Variants in ERBB4 observed in about 807,000 individuals in gnomAD.
ERBB4 encodes receptor tyrosine-protein kinase erbB-4.
Under a neutral mutation model 158.0 loss-of-function variants are expected in ERBB4, and 42 were observed. The observed-to-expected ratio is 0.27, with a 90% CI of 0.21 to 0.34. ERBB4 has a LOEUF of 0.34. Among genes scored for constraint, ERBB4 ranks in the 10% least tolerant of loss-of-function variants. ERBB4 has a pLI of 1.00. For missense variants in ERBB4, 1,333 were observed against 1,624.1 expected (o/e 0.82, Z 3.08); for synonymous variants, 583 against 558.7 (o/e 1.04, Z -0.61).
At chr2:211,513,198 C>T (rs1284253596) in intron 20 of ERBB4, among the ~76,000 whole-genome samples, 1 of 151,612 alleles carries the variant, frequency 6.6e-6, no homozygotes, top group South Asian at 2.1e-4. Context: ...TAAGGCGTGA[C>T]GACAAGTTTT....
rs768523789 is a variant in ERBB4, at chr2:211,424,233, G to A, written c.2788C>T (p.Pro930Ser). ...CGTTCTCCTTTCTCTAATAAATCAG[G>A]GATTTCTCGCGTTGGAATTCCATCA... is the stretch of plus-strand genomic sequence containing the variant. ...PYDGIPTREI[P>S]DLLEKGERLP... Residue 930 changes from proline (P) to serine (S), a missense_variant, in exon 23 of 28, where the codon CCT (proline) becomes TCT (serine). Transcript: ENST00000342788. 6.2e-7 allele frequency: 1 copy of A among 1,612,942 alleles called. No individual in the cohort carries two copies. Among genetic ancestry groups the A allele is most frequent in the African/African-American group, 1.3e-5 (1 of 74,790 alleles).
intron 6 of ERBB4, among the ~76,000 whole-genome samples, chr2:211,724,605 AAACT>A (rs2074208041): frequency 6.6e-6 from 1 of 152,276 alleles, no homozygotes; most frequent in African/African-American, 2.4e-5. Flanking sequence ...TGTCCCTAAC[AAACT>A]ATTTATAAAT....
intron 1 of ERBB4, among the ~76,000 whole-genome samples, chr2:212,359,338 C>T (rs1279847519): frequency 6.6e-6 from 1 of 151,308 alleles, no homozygotes; most frequent in African/African-American, 2.4e-5. Flanking sequence ...ATTTGATGAT[C>T]TGTATTGAGA....
intron 1 of ERBB4, among the ~76,000 whole-genome samples, chr2:212,151,570 T>A (rs2080870449): frequency 6.6e-6 from 1 of 151,816 alleles, no homozygotes; most frequent in Admixed American, 6.6e-5. Flanking sequence ...TCAGAAAATT[T>A]TGGAAATACA....
At chr2:211,402,658 C>A (rs932804781) in intron 25 of ERBB4, among the ~76,000 whole-genome samples, 8 of 151,926 alleles carry the variant, frequency 5.3e-5, no homozygotes, top group African/African-American at 1.7e-4. Flanking sequence ...AGAGCAAAAA[C>A]AAGCAGCAAG....
chr2:211,929,748 GAC>G (rs1165162148), intron 3 of ERBB4, among the ~76,000 whole-genome samples: 1 of 152,158 alleles, frequency 6.6e-6, no homozygotes, highest in Non-Finnish European at 1.5e-5. Flanking sequence ...ATGTGTCAGT[GAC>G]ACACAATGTG....
chr2:212,094,890 TTA>T (rs1336255060), intron 2 of ERBB4, among the ~76,000 whole-genome samples: 2 of 151,310 alleles, frequency 1.3e-5, no homozygotes, highest in Admixed American at 6.6e-5. Context: ...TTTATTACAT[TTA>T]TATGTTTATG....
intron 20 of ERBB4, among the ~76,000 whole-genome samples, chr2:211,469,385 T>C (rs2064776969): frequency 6.6e-6 from 1 of 152,120 alleles, no homozygotes; most frequent in African/African-American, 2.4e-5. Context: ...AGCAGGAAAG[T>C]TTTCATAGTC....
intron 1 of ERBB4, among the ~76,000 whole-genome samples, chr2:212,310,007 T>C (rs891622003): frequency 2.0e-5 from 3 of 150,548 alleles, no homozygotes; most frequent in Admixed American, 2.0e-4. Context: ...ACTCCCCAAA[T>C]GTTAAGGTAT....
At chr2:211,855,780 G>A (rs1242300553) in intron 3 of ERBB4, among the ~76,000 whole-genome samples, 1 of 151,950 alleles carries the variant, frequency 6.6e-6, no homozygotes, top group Admixed American at 6.6e-5. Context: ...GTTTGTCCTT[G>A]GGCCTTTGCA....
intron 1 of ERBB4, among the ~76,000 whole-genome samples, chr2:212,128,378 A>T (rs2080007092): frequency 6.6e-6 from 1 of 152,170 alleles, no homozygotes; most frequent in Admixed American, 6.5e-5. Context: ...TTGGTTTCAA[A>T]CACGGTTGAA....
intron 14 of ERBB4, among the ~76,000 whole-genome samples, chr2:211,669,328 GTTAT>G (rs1459557402): frequency 1.3e-5 from 2 of 151,672 alleles, no homozygotes; most frequent in Non-Finnish European, 2.9e-5. Context: ...CAATATGGAG[GTTAT>G]TTGTTACAGC....
intron 1 of ERBB4, among the ~76,000 whole-genome samples, chr2:212,299,080 T>G (rs1222412182): frequency 6.6e-6 from 1 of 151,734 alleles, no homozygotes; most frequent in Non-Finnish European, 1.5e-5. Flanking sequence ...TTAACCCTCA[T>G]TATAATTTGT....
intron 3 of ERBB4, among the ~76,000 whole-genome samples, chr2:211,923,695 G>C (rs1360454699): frequency 6.6e-6 from 1 of 151,772 alleles, no homozygotes; most frequent in African/African-American, 2.4e-5. Flanking sequence ...GCTTTTTAGA[G>C]GTTGCTCATA....
At chr2:212,025,418 T>C (rs1256639089) in intron 2 of ERBB4, among the ~76,000 whole-genome samples, 1 of 151,780 alleles carries the variant, frequency 6.6e-6, no homozygotes, top group Non-Finnish European at 1.5e-5. Context: ...ATATTTATGA[T>C]GGAATTACAA....
At chr2:211,723,267 C>A (rs1382477130) in intron 6 of ERBB4, among the ~76,000 whole-genome samples, 1 of 151,952 alleles carries the variant, frequency 6.6e-6, no homozygotes, top group East Asian at 1.9e-4. Context: ...GAATTAAAAA[C>A]CATTTTATTA....
At chr2:211,655,026 A>G (rs1056748000) in intron 16 of ERBB4, among the ~76,000 whole-genome samples, 2 of 152,210 alleles carry the variant, frequency 1.3e-5, no homozygotes, top group Non-Finnish European at 2.9e-5. Flanking sequence ...TATTAAATCT[A>G]TAACAAGATA....
chr2:212,379,396 T>C (rs1389940687), intron 1 of ERBB4, among the ~76,000 whole-genome samples: 1 of 151,630 alleles, frequency 6.6e-6, no homozygotes, highest in East Asian at 1.9e-4. Context: ...TATTCAAATA[T>C]CTACGAAATA....
chr2:211,647,618 T>G (rs2105872490), intron 16 of ERBB4, among the ~76,000 whole-genome samples: 1 of 151,738 alleles, frequency 6.6e-6, no homozygotes, highest in South Asian at 2.1e-4. Flanking sequence ...TTCCTTCATA[T>G]CCAGTTAATC....
Sources: allele counts gnomAD v4.1 joint callset (sites outside exome capture counted in the v4.1 genomes callset), GRCh38; gene constraint gnomAD v4.1.1; transcripts MANE v1.5; gene names NCBI Gene and HGNC (gene_info 2026-07-23, HGNC 2026-07-21).